The following FRAS1 variants were observed in gnomAD, a reference collection of about 807,000 sequenced individuals.
FRAS1 encodes extracellular matrix organizing protein FRAS1.
Under a neutral mutation model 435.2 loss-of-function variants are expected in FRAS1, and 290 were observed. That is an observed-to-expected ratio of 0.67 (90% CI 0.61 to 0.73). The LOEUF (loss-of-function observed/expected upper bound fraction) is 0.73, where lower values mean the gene tolerates loss of function less well. Ranked by LOEUF, FRAS1 falls within the 30% of genes least tolerant of loss-of-function variation. The probability of loss-of-function intolerance (pLI) is 0.00; values close to 1 mark genes in which losing one functional copy is unlikely to be tolerated. For synonymous variants in FRAS1, 1,800 were observed against 1,851.0 expected, an observed-to-expected ratio of 0.97 and a Z score of 0.71; for missense variants, 4,860 against 5,001.5, an observed-to-expected ratio of 0.97 and a Z score of 0.85.
intron 58 of FRAS1, among the ~76,000 whole-genome samples, chr4:78,483,799 A>ATATATATATATATATATACATATATAT (rs1560753038): frequency 4.4e-5 from 3 of 67,462 alleles, no homozygotes; most frequent in African/African-American, 1.2e-4. Flanking sequence ...TATATATATA[A>ATATATATATATATATATACATATATAT]AATTATGTAT....
intron 61 of FRAS1, among the ~76,000 whole-genome samples, chr4:78,505,354 C>T (rs1720801305): frequency 6.6e-6 from 1 of 152,216 alleles, no homozygotes; most frequent in African/African-American, 2.4e-5. Flanking sequence ...CCATCATTTT[C>T]AGGTACACCA....
chr4:78,479,752 G>A (rs747094759), intron 56 of FRAS1, 34 bp downstream of exon 56: 26 of 1,467,722 alleles, frequency 1.8e-5, no homozygotes, highest in Non-Finnish European at 2.4e-5. Flanking sequence ...TCCTTCACCT[G>A]TCTCCTGATT....
chr4:78,466,527 T>A (rs1396098415), intron 50 of FRAS1, 92 bp downstream of exon 50: 1 of 929,080 alleles, frequency 1.1e-6, no homozygotes, highest in Non-Finnish European at 1.6e-6. Flanking sequence ...TTGTTTGAGT[T>A]CTCGTTCTAT....
chr4:78,539,031 C>T (rs1035751563), intron 72 of FRAS1, among the ~76,000 whole-genome samples: 1 of 151,812 alleles, frequency 6.6e-6, no homozygotes, highest in East Asian at 1.9e-4. Flanking sequence ...TAACTGTCAC[C>T]GTGATTCAAT....
At chr4:78,095,726 T>G (rs759739777) in intron 2 of FRAS1, among the ~76,000 whole-genome samples, 2 of 152,190 alleles carry the variant, frequency 1.3e-5, no homozygotes, top group Non-Finnish European at 2.9e-5. Context: ...TTTTGAGACT[T>G]ATTCACTATC....
intron 67 of FRAS1, among the ~76,000 whole-genome samples, chr4:78,520,563 A>T (rs186083233): frequency 1.3e-3 from 195 of 152,348 alleles, no homozygotes; most frequent in Non-Finnish European, 2.5e-3. Flanking sequence ...TGTAGTATTT[A>T]CATATAACCT....
intron 4 of FRAS1, among the ~76,000 whole-genome samples, chr4:78,251,853 T>A (rs1725545398): frequency 6.6e-6 from 1 of 152,180 alleles, no homozygotes; most frequent in Non-Finnish European, 1.5e-5. Context: ...GGGTACATCA[T>A]TTCCTGCTTG....
At chr4:78,098,468 T>A (rs1045113130) in intron 2 of FRAS1, among the ~76,000 whole-genome samples, 3 of 151,970 alleles carry the variant, frequency 2.0e-5, no homozygotes, top group Non-Finnish European at 2.9e-5. Flanking sequence ...AGAGACGGGG[T>A]TTCACCATGT....
intron 2 of FRAS1, among the ~76,000 whole-genome samples, chr4:78,088,980 G>A (rs1422468070): frequency 3.3e-5 from 5 of 152,182 alleles, no homozygotes; most frequent in South Asian, 2.1e-4. Flanking sequence ...ACATGCACAC[G>A]TATGTTTATT....
chr4:78,093,291 G>T (rs1372852959), intron 2 of FRAS1, among the ~76,000 whole-genome samples: 1 of 152,186 alleles, frequency 6.6e-6, no homozygotes, highest in Non-Finnish European at 1.5e-5. Context: ...AACTGTGCAG[G>T]CGCCATGAAA....
chr4:78,344,239 G>GT (rs1730512475), intron 20 of FRAS1, among the ~76,000 whole-genome samples: 2 of 151,946 alleles, frequency 1.3e-5, no homozygotes, highest in African/African-American at 4.8e-5. Flanking sequence ...CTTTTCATGG[G>GT]TATCTAATAA....
At chr4:78,265,617 G>A (rs1412748904) in intron 7 of FRAS1, among the ~76,000 whole-genome samples, 2 of 152,276 alleles carry the variant, frequency 1.3e-5, no homozygotes, top group Middle Eastern at 3.4e-3. Context: ...GGATAACGAT[G>A]TGCCTAACAT....
intron 2 of FRAS1, among the ~76,000 whole-genome samples, chr4:78,152,268 A>C (rs1023739409): frequency 6.6e-6 from 1 of 152,096 alleles, no homozygotes; most frequent in African/African-American, 2.4e-5. Flanking sequence ...GGTTTTTAGA[A>C]AGGCAGGGTG....
chr4:78,322,233 T>A (rs998765438), intron 18 of FRAS1, among the ~76,000 whole-genome samples: 3 of 152,200 alleles, frequency 2.0e-5, no homozygotes, highest in Non-Finnish European at 4.4e-5. Context: ...CATAATCTGT[T>A]CCGTTTTCAA....
intron 20 of FRAS1, among the ~76,000 whole-genome samples, chr4:78,357,931 C>A: frequency 6.6e-6 from 1 of 152,028 alleles, no homozygotes. Context: ...TTTTTTCTTT[C>A]TATCTCCTGT....
At chr4:78,080,695 G>A (rs575285901) in intron 2 of FRAS1, among the ~76,000 whole-genome samples, 1 of 152,158 alleles carries the variant, frequency 6.6e-6, no homozygotes, top group African/African-American at 2.4e-5. Context: ...CATTCTGTAG[G>A]TGCATATTAA....
chr4:78,496,716 T>G, intron 59 of FRAS1, 89 bp from the exon 60 acceptor site: 1 of 1,234,864 alleles, frequency 8.1e-7, no homozygotes, highest in Non-Finnish European at 1.2e-6. Context: ...TTTGATGCAA[T>G]AAAGAAGAAA....
chr4:78,113,012 G>A (rs1742849100), intron 2 of FRAS1, among the ~76,000 whole-genome samples: 1 of 151,994 alleles, frequency 6.6e-6, no homozygotes, highest in African/African-American at 2.4e-5. Context: ...AGTGTGTGAT[G>A]TTCCCCTTCC....
intron 2 of FRAS1, among the ~76,000 whole-genome samples, chr4:78,078,748 A>G (rs2109871687): frequency 6.6e-6 from 1 of 152,272 alleles, no homozygotes; most frequent in Admixed American, 6.5e-5. Flanking sequence ...GTGGCTGAGA[A>G]TAAGAATAGA....
Sources: allele counts gnomAD v4.1 joint callset (sites outside exome capture counted in the v4.1 genomes callset), GRCh38; gene constraint gnomAD v4.1.1; transcripts MANE v1.5; gene names NCBI Gene and HGNC (gene_info 2026-07-23, HGNC 2026-07-21).